The following LPAR6 variants were observed in gnomAD, a reference collection of about 807,000 sequenced individuals.
The protein encoded by LPAR6 is G-protein coupled purinergic receptor P2Y5.
Under a neutral mutation model 22.0 loss-of-function variants are expected in LPAR6, and 17 were observed. The ratio of observed to expected loss-of-function variants is 0.77; its 90% CI spans 0.53 to 1.16. The LOEUF is 1.16. Ranked by LOEUF, LPAR6 falls within the 50% of genes most tolerant of loss-of-function variation. The pLI is 0.00. For missense variants in LPAR6, 384 were observed against 406.9 expected (o/e 0.94, Z 0.48); for synonymous variants, 136 against 139.8 (o/e 0.97, Z 0.19).
intron 1 of LPAR6, among the ~76,000 whole-genome samples, chr13:48,437,371 C>T (rs903565302): frequency 6.6e-6 from 1 of 152,150 alleles, no homozygotes; most frequent in African/African-American, 2.4e-5. Flanking sequence ...GAAATATTTT[C>T]TTTATAGTTA....
Position 48,412,472 on chromosome 13 carries a change from A to G in LPAR6, c.-49T>C. ...GTTTGGAAGCACTTTCATCAGCTGC[A>G]GTCTCCTTTGGGATTCAGATTATAA... On this transcript the variant is annotated 5_prime_UTR_variant, in exon 1 of 1. Transcript: ENST00000620633. 8.1e-7 allele frequency: 1 copy of G among 1,235,038 alleles called. No homozygotes were observed. Among genetic ancestry groups the G allele is most frequent in the Non-Finnish European group, 1.2e-6 (1 of 833,894 alleles). 76.5% of individuals were successfully genotyped at this position (1,235,038 alleles called of 1,614,324 possible).
chr13:48,395,835 C>G (rs1005674191), intron 1 of LPAR6, among the ~76,000 whole-genome samples: 1 of 152,074 alleles, frequency 6.6e-6, no homozygotes, highest in African/African-American at 2.4e-5. Context: ...AGAACATCCC[C>G]AACCCAACAA....
downstream of LPAR6, chr13:48,406,466 CTTG>C (rs1021355026): frequency 1.3e-5 from 2 of 152,062 alleles, no homozygotes; most frequent in Non-Finnish European, 2.9e-5. Flanking sequence ...AAATATAGTT[CTTG>C]TTGTGATTAT....
At chr13:48,390,686 A>G (rs921163890) in intron 1 of LPAR6, among the ~76,000 whole-genome samples, 1 of 152,120 alleles carries the variant, frequency 6.6e-6, no homozygotes, top group Non-Finnish European at 1.5e-5. Context: ...TGATGAATTT[A>G]CCTCTTTAAT....
chr13:48,421,411 A>T (rs967838596), intron 2 of LPAR6, among the ~76,000 whole-genome samples: 1 of 152,146 alleles, frequency 6.6e-6, no homozygotes, highest in African/African-American at 2.4e-5. Context: ...AGCCATGAAA[A>T]CCCTAGAAGA....
upstream of LPAR6, chr13:48,416,332 A>G (rs552247354): frequency 3.3e-5 from 5 of 152,430 alleles, no homozygotes; most frequent in East Asian, 3.9e-4. Flanking sequence ...GCAAGGGGCC[A>G]GGGAACTTCC....
intron 1 of LPAR6, among the ~76,000 whole-genome samples, chr13:48,443,787 GT>G (rs1401709338): frequency 4.6e-5 from 7 of 152,144 alleles, no homozygotes; most frequent in Middle Eastern, 3.4e-3. Flanking sequence ...ACCTGGCTAT[GT>G]TTTATATTGC....
chr13:48,429,069 T>G (rs1199881760), upstream of LPAR6, among the ~76,000 whole-genome samples: 3 of 152,230 alleles, frequency 2.0e-5, no homozygotes, highest in African/African-American at 7.2e-5. Flanking sequence ...ATTAAAAGTT[T>G]AAGCATTGTT....
At position 48,411,336 on chromosome 13, in the gene LPAR6, C is replaced by T; in HGVS notation, c.*53G>A. The T allele has an allele frequency of 7.1e-7, 1 of 1,413,300 alleles. No individual in the cohort carries two copies. Among genetic ancestry groups the T allele is most frequent in the Non-Finnish European group, 1.0e-6 (1 of 1,003,222 alleles). 87.5% of individuals were successfully genotyped at this position (1,413,300 alleles called of 1,614,324 possible). A position where few individuals can be genotyped will look rare whatever the true frequency, so the allele number is the denominator to read the frequency against. On this transcript the variant is annotated 3_prime_UTR_variant, in exon 1 of 1. Transcript: ENST00000620633. ...ATAGTTTGTCCAAAAAGACACTTTT[C>T]ACAGTTGAAGGAACTTGAAAGTTCT...
rs1235130795 is a variant in LPAR6, at chr13:48,412,014, C to T, written c.410G>A (p.Cys137Tyr). 6.2e-7 allele frequency: 1 copy of T among 1,612,186 alleles called. No individual in the cohort carries two copies. The highest frequency in any genetic ancestry group is 1.3e-5 in the African/African-American group (1 of 74,862). The part of the protein sequence containing the change: ...LRTKRNAKIV[C>Y]TGVWLTVIGG... ...GATCACAGTTAACCACACGCCAGTG[C>T]AAACAATCTTTGCATTTCTTTTGGT... Residue 137 changes from cysteine to tyrosine, a missense_variant, in exon 1 of 1, where the codon TGC (cysteine) becomes TAC (tyrosine). Physicochemically the swap from Cys to Tyr is radical, Grantham distance 194. Transcript: ENST00000620633.
chr13:48,441,965 T>C (rs1358107846), intron 1 of LPAR6, among the ~76,000 whole-genome samples: 1 of 152,218 alleles, frequency 6.6e-6, no homozygotes, highest in Non-Finnish European at 1.5e-5. Flanking sequence ...TGATGCCTTG[T>C]CACTTAGCAG....
chr13:48,402,482 A>T (rs1472694818), intron 1 of LPAR6, among the ~76,000 whole-genome samples: 1 of 148,136 alleles, frequency 6.8e-6, no homozygotes, highest in Non-Finnish European at 1.5e-5. Flanking sequence ...GGCTCAAGTG[A>T]TCCTCCCACC....
At chr13:48,395,330 G>A (rs556902197) in intron 1 of LPAR6, among the ~76,000 whole-genome samples, 2 of 152,250 alleles carry the variant, frequency 1.3e-5, no homozygotes, top group African/African-American at 2.4e-5. Flanking sequence ...AAAAACCAGA[G>A]CGCCTTTTCT....
rs374240708 is a variant in LPAR6, at chr13:48,392,871, G to A, written n.115-3059C>T. 5.2e-4 allele frequency among the ~76,000 whole-genome samples: 79 copies of A among 151,812 alleles called. 2 individuals are homozygous for A. In the South Asian group the frequency reaches 0.015, roughly 29 times the overall value. On this transcript the variant is annotated intron_variant and non_coding_transcript_variant, in intron 1 of 1. Transcript: ENST00000462781. The stretch of plus-strand genomic sequence containing the variant: ...GCTTTAGTGGGTCCTGGATATTTTT[G>A]TATTCCTTTCACTATTTTGACCTGT...
upstream of LPAR6, among the ~76,000 whole-genome samples, chr13:48,415,479 C>T (rs1429928903): frequency 2.0e-5 from 3 of 151,962 alleles, no homozygotes; most frequent in South Asian, 2.1e-4. Flanking sequence ...AGGGTTTTAC[C>T]ATGTGGCCAG....
intron 1 of LPAR6, among the ~76,000 whole-genome samples, chr13:48,435,124 A>G (rs1404802584): frequency 2.6e-5 from 4 of 152,218 alleles, no homozygotes; most frequent in African/African-American, 4.8e-5. Flanking sequence ...TTTCTTTGAT[A>G]AAAGACTGCA....
At chr13:48,420,058 T>C (rs905463098) in intron 2 of LPAR6, among the ~76,000 whole-genome samples, 1 of 152,180 alleles carries the variant, frequency 6.6e-6, no homozygotes, top group African/African-American at 2.4e-5. Context: ...ATCATCCTGA[T>C]ACCATAACCT....
At chr13:48,432,357 C>G (rs1949138829) in intron 1 of LPAR6, among the ~76,000 whole-genome samples, 1 of 150,454 alleles carries the variant, frequency 6.6e-6, no homozygotes, top group Admixed American at 6.6e-5. Flanking sequence ...TGGTAAGATT[C>G]TACATTTCTG....
At chr13:48,421,135 A>C (rs576300787) in intron 2 of LPAR6, among the ~76,000 whole-genome samples, 55 of 152,354 alleles carry the variant, frequency 3.6e-4, no homozygotes, top group African/African-American at 1.3e-3. Flanking sequence ...TTCAAACTAT[A>C]CTACAAGGCT....
Sources: gnomAD v4.1 joint callset for allele counts (sites outside exome capture counted in the v4.1 genomes callset) on GRCh38, gnomAD v4.1.1 for gene constraint, MANE v1.5 for transcripts, NCBI Gene and HGNC (gene_info 2026-07-23, HGNC 2026-07-21) for gene names.